The following TLE3 variants were observed in gnomAD, a reference collection of about 807,000 sequenced individuals.
The protein encoded by TLE3 is transducin-like enhancer protein 3.
In TLE3, 14 loss-of-function variants were observed where a neutral mutation model predicts 93.0. The ratio of observed to expected loss-of-function variants is 0.15; its 90% CI spans 0.10 to 0.24. The LOEUF is 0.24. TLE3 is among the 10% of genes least tolerant of loss of function. The probability of loss-of-function intolerance (pLI) is 1.00; values close to 1 mark genes in which losing one functional copy is unlikely to be tolerated. For missense variants in TLE3, 693 were observed against 1,046.6 expected, an observed-to-expected ratio of 0.66 and a Z score of 4.66; for synonymous variants, 451 against 425.0, an observed-to-expected ratio of 1.06 and a Z score of -0.75.
chr15:70,070,061 T>C (rs1411020528), intron 6 of TLE3, among the ~76,000 whole-genome samples: 1 of 152,238 alleles, frequency 6.6e-6, no homozygotes, highest in Non-Finnish European at 1.5e-5. Context: ...TTCCTTCCAA[T>C]ATGGGAACTC....
intron 13 of TLE3, 86 bp downstream of exon 13, chr15:70,057,373 C>T: frequency 1.4e-6 from 2 of 1,472,730 alleles, no homozygotes; most frequent in South Asian, 1.4e-5. Context: ...TGAGGGGCCC[C>T]TTTAGCATGT....
chr15:70,061,365 C>A (rs2056463737), intron 8 of TLE3, among the ~76,000 whole-genome samples: 1 of 152,008 alleles, frequency 6.6e-6, no homozygotes, highest in South Asian at 2.1e-4. Context: ...AGTGGAGACC[C>A]CAAGAGGTTG....
At position 70,082,329 on chromosome 15, in the gene TLE3, G is replaced by C. The variant is rs111826871; in HGVS notation, c.235-6171C>G. ...TATCAACAGAGGAAGAAATCCATGG[G>C]GGGGCCGGGGGACAGCCAACAAAAG... On this transcript the variant is annotated intron_variant, in intron 4 of 19. Coordinates refer to ENST00000451782, the MANE Select transcript of TLE3 (RefSeq NM_001105192.3). 4.6e-3 allele frequency among the ~76,000 whole-genome samples: 707 copies of C among 152,134 alleles called. 1 individual carries two copies. The highest frequency in any genetic ancestry group is 0.016 in the African/African-American group (644 of 41,500).
chr15:70,065,969 G>GGCCCC, intron 7 of TLE3, 45 bp downstream of exon 7: 57 of 1,294,372 alleles, frequency 4.4e-5, no homozygotes, highest in Middle Eastern at 2.4e-4. Context: ...GAGCGCCCAT[G>GGCCCC]CCCACCCCTG....
In TLE3 at chr15:70,082,146, C is replaced by T. The variant is rs1033924057; in HGVS notation, c.235-5988G>A. Among the ~76,000 whole-genome samples, 5 of 151,774 alleles carry T rather than the reference C, an allele frequency of 3.3e-5. No individual in the cohort carries two copies. The East Asian group carries it at 9.6e-4, about 29-fold the overall frequency. ...CCAATCACCCAGATTCAGAATACCA[C>T]GTCTGGGCAATTTTAACTTAAAATA... On this transcript the variant is annotated intron_variant, in intron 4 of 19. Transcript: ENST00000451782.
chr15:70,068,879 C>G (rs1234962738), intron 6 of TLE3, among the ~76,000 whole-genome samples: 1 of 152,244 alleles, frequency 6.6e-6, no homozygotes, highest in African/African-American at 2.4e-5. Context: ...TCTAAGAGCT[C>G]TAACGGCACA....
Position 70,066,002 on chromosome 15 carries a change from G to GGCCCCCCCCCC in TLE3, c.577+11_577+12insGGGGGGGGGGC. On this transcript the variant is annotated intron_variant, in intron 7 of 19. Coordinates refer to ENST00000451782, the MANE Select transcript of TLE3 (RefSeq NM_001105192.3). Reference sequence around the variant, plus strand: ...CTGCCCCGCCCCACCCTCTGCCCCAGCCCAGCCGCACCTCTGTGATCGAGT... The same window carrying GGCCCCCCCCCC: ...CTGCCCCGCCCCACCCTCTGCCCCAGGCCCCCCCCCCCCCAGCCGCACCTCTGTGATCGAGT... 2 of 766,150 alleles carry GGCCCCCCCCCC rather than the reference G, an allele frequency of 2.6e-6. No individual in the cohort carries two copies. Among genetic ancestry groups the GGCCCCCCCCCC allele is most frequent in the Non-Finnish European group, 4.3e-6 (2 of 466,138 alleles). The allele number at this position is 766,150 out of a possible 1,614,324, so 47.5% of individuals were successfully genotyped here.
chr15:70,053,269 C>A lies in TLE3; in HGVS notation c.1932G>T (p.Leu644=). 6.2e-7 allele frequency: 1 copy of A among 1,609,106 alleles called. No homozygotes were observed. Among genetic ancestry groups the A allele is most frequent in the African/African-American group, 1.3e-5 (1 of 74,978 alleles). ...GLDNTVRSWD[L]REGRQLQQHD... is the part of the protein sequence containing the mutation. The stretch of plus-strand genomic sequence containing the variant: ...GCTGCTGTAGCTGTCGGCCCTCCCG[C>A]AGGTCCCAGGAGCGCACCGTGTTGT... Residue 644 remains leucine (L), a synonymous_variant, in exon 17 of 20, where the codon CTG becomes CTT. Transcript: ENST00000451782.
intron 8 of TLE3, among the ~76,000 whole-genome samples, chr15:70,063,115 G>A (rs1223376811): frequency 1.3e-5 from 2 of 152,182 alleles, no homozygotes; most frequent in African/African-American, 4.8e-5. Context: ...AGGTTATAAA[G>A]GGTCTTCCGA....
At chr15:70,060,683 T>G (rs2056412071) in intron 8 of TLE3, 34 bp from the exon 9 acceptor site, 5 of 1,609,636 alleles carry the variant, frequency 3.1e-6, no homozygotes, top group Non-Finnish European at 4.2e-6. Flanking sequence ...GGTTAAAACT[T>G]TCTGCTGCGT....
intron 4 of TLE3, among the ~76,000 whole-genome samples, chr15:70,091,688 G>A (rs942394194): frequency 2.0e-5 from 3 of 152,226 alleles, no homozygotes; most frequent in Non-Finnish European, 2.9e-5. Context: ...AACAGCCAGA[G>A]AAGGAGCCAG....
chr15:70,075,696 G>A (rs554253747), intron 5 of TLE3, among the ~76,000 whole-genome samples: 1 of 152,326 alleles, frequency 6.6e-6, no homozygotes, highest in South Asian at 2.1e-4. Flanking sequence ...GAAGGTAGGC[G>A]TAGAAAGTGA....
At chr15:70,092,148 T>C (rs958129950) in intron 4 of TLE3, among the ~76,000 whole-genome samples, 1 of 152,194 alleles carries the variant, frequency 6.6e-6, no homozygotes, top group Non-Finnish European at 1.5e-5. Flanking sequence ...GCTGATAAAC[T>C]TGTTTGCTCA....
At chr15:70,057,845 C>A (rs959977593) in intron 12 of TLE3, 187 bp from the exon 13 acceptor site, 1 of 771,636 alleles carries the variant, frequency 1.3e-6, no homozygotes, top group African/African-American at 1.7e-5. Context: ...GGCAGATGCA[C>A]CCACCTCTTT....
At chr15:70,090,337 A>G (rs1182561706) in intron 4 of TLE3, among the ~76,000 whole-genome samples, 2 of 152,098 alleles carry the variant, frequency 1.3e-5, no homozygotes, top group African/African-American at 2.4e-5. Flanking sequence ...TCTGGCAAAA[A>G]AGAAAAAAAA....
At chr15:70,073,307 C>T (rs1293149989) in intron 6 of TLE3, among the ~76,000 whole-genome samples, 2 of 152,134 alleles carry the variant, frequency 1.3e-5, no homozygotes, top group Non-Finnish European at 2.9e-5. Context: ...AAGGTCACAT[C>T]GGGGGAGAAC....
At chr15:70,092,242 C>T (rs919580297) in intron 4 of TLE3, among the ~76,000 whole-genome samples, 1 of 152,194 alleles carries the variant, frequency 6.6e-6, no homozygotes, top group East Asian at 1.9e-4. Context: ...CCTTGCAAAC[C>T]TAGGGAGTGG....
intron 12 of TLE3, chr15:70,057,929 G>C: frequency 1.3e-6 from 1 of 770,854 alleles, no homozygotes. Context: ...GGTGGGAACA[G>C]ATTTTGGGAG....
chr15:70,071,110 G>A (rs547898080), intron 6 of TLE3, among the ~76,000 whole-genome samples: 2 of 152,112 alleles, frequency 1.3e-5, no homozygotes, highest in African/African-American at 2.4e-5. Context: ...GTGATATATC[G>A]GCTCAAAGGG....
Sources: allele counts gnomAD v4.1 joint callset (sites outside exome capture counted in the v4.1 genomes callset), GRCh38; gene constraint gnomAD v4.1.1; transcripts MANE v1.5; gene names NCBI Gene and HGNC (gene_info 2026-07-23, HGNC 2026-07-21).